The following SLC35F3 variants were observed in gnomAD, a reference collection of about 807,000 sequenced individuals.
SLC35F3 encodes solute carrier family 35 member F3.
Under a neutral mutation model 49.9 loss-of-function variants are expected in SLC35F3, and 25 were observed. The observed-to-expected ratio is 0.50, with a 90% CI of 0.37 to 0.70. The LOEUF is 0.70. Among genes scored for constraint, SLC35F3 ranks in the 30% least tolerant of loss-of-function variants. SLC35F3 has a pLI of 0.00. For synonymous variants in SLC35F3, 275 were observed against 265.4 expected, an observed-to-expected ratio of 1.04 and a Z score of -0.35; for missense variants, 525 against 639.8, an observed-to-expected ratio of 0.82 and a Z score of 1.94.
intron 2 of SLC35F3, among the ~76,000 whole-genome samples, chr1:233,993,086 G>T (rs1266176364): frequency 5.3e-5 from 8 of 151,298 alleles, no homozygotes; most frequent in Admixed American, 2.6e-4. Flanking sequence ...TTCCATGGAA[G>T]AAAAAAAAAT....
rs754044551 is a variant in SLC35F3 at position 234,231,780 on chromosome 1, G to C, written c.608+39G>C. 6.4e-7 allele frequency: 1 copy of C among 1,559,462 alleles called. No individual in the cohort carries two copies. On this transcript the variant is annotated intron_variant, in intron 3 of 7. Transcript: ENST00000366618. The surrounding 1 kb of genome is among the most constrained non-coding windows in gnomAD (Gnocchi z 5.4). ...GCATGAGGAGGCCTCCTGACCCCGGGCTGCTCCATCCAGCGCTGACTCTGC... is the reference window on the plus strand; with the variant it reads ...GCATGAGGAGGCCTCCTGACCCCGGCCTGCTCCATCCAGCGCTGACTCTGC...
chr1:234,190,348 A>G (rs1411370324), intron 2 of SLC35F3, among the ~76,000 whole-genome samples: 1 of 152,260 alleles, frequency 6.6e-6, no homozygotes, highest in African/African-American at 2.4e-5. Flanking sequence ...AAGGACTCAC[A>G]TAAACTTAAG....
chr1:234,103,274 T>C (rs953696704), intron 2 of SLC35F3, among the ~76,000 whole-genome samples: 8 of 152,112 alleles, frequency 5.3e-5, no homozygotes, highest in Middle Eastern at 3.4e-3. Context: ...GCTTCCCTGA[T>C]GTTGCCTTGG....
At chr1:234,141,478 A>T (rs770316175) in intron 2 of SLC35F3, among the ~76,000 whole-genome samples, 5 of 152,216 alleles carry the variant, frequency 3.3e-5, no homozygotes, top group Non-Finnish European at 5.9e-5. Context: ...ATACACCTGT[A>T]TGTAGACATC....
At chr1:234,221,427 C>G (rs747980497) in intron 2 of SLC35F3, among the ~76,000 whole-genome samples, 2 of 152,090 alleles carry the variant, frequency 1.3e-5, no homozygotes, top group Non-Finnish European at 2.9e-5. Context: ...AGGGAATGAT[C>G]GGCTTTGAAA....
intron 2 of SLC35F3, among the ~76,000 whole-genome samples, chr1:234,053,299 T>C (rs1664405628): frequency 6.6e-6 from 1 of 152,098 alleles, no homozygotes; most frequent in African/African-American, 2.4e-5. Context: ...CTCTAAGGAC[T>C]TGCTTTATGA....
At chr1:234,166,422 AC>A (rs1666322112) in intron 2 of SLC35F3, among the ~76,000 whole-genome samples, 1 of 152,346 alleles carries the variant, frequency 6.6e-6, no homozygotes, top group Admixed American at 6.5e-5. Context: ...ACCTTATAGT[AC>A]CATACAAAAG....
intron 3 of SLC35F3, among the ~76,000 whole-genome samples, chr1:234,288,500 T>C (rs1233544948): frequency 2.0e-5 from 3 of 152,232 alleles, no homozygotes; most frequent in Non-Finnish European, 4.4e-5. Context: ...AAGGATGTTT[T>C]TAGTCTATGT....
chr1:234,039,990 C>CT (rs35119086), intron 2 of SLC35F3, among the ~76,000 whole-genome samples: 3 of 152,214 alleles, frequency 2.0e-5, no homozygotes, highest in Non-Finnish European at 4.4e-5. Context: ...GTTTGACAGC[C>CT]TTTTTTGGGT....
At chr1:233,928,642 A>C (rs1214142785) in intron 2 of SLC35F3, among the ~76,000 whole-genome samples, 1 of 152,140 alleles carries the variant, frequency 6.6e-6, no homozygotes, top group Non-Finnish European at 1.5e-5. Flanking sequence ...TGGTGTTTGG[A>C]AGGTGGCTAG....
chr1:233,920,102 A>G (rs970266316), intron 2 of SLC35F3, among the ~76,000 whole-genome samples: 3 of 152,216 alleles, frequency 2.0e-5, no homozygotes, highest in African/African-American at 7.2e-5. Flanking sequence ...GTTCAATCAG[A>G]GATAATACTG....
chr1:234,219,149 G>A (rs1311503535), intron 2 of SLC35F3, among the ~76,000 whole-genome samples: 1 of 151,492 alleles, frequency 6.6e-6, no homozygotes, highest in African/African-American at 2.4e-5. Flanking sequence ...CCCCATGGCT[G>A]TGTGCCATAT....
chr1:234,231,530 A>G lies in SLC35F3; in HGVS notation c.397A>G (p.Lys133Glu), dbSNP rs771538452. ...CTGGACGTGCTCCCGGGCGCAACTC[A>G]AGAAGATCTTCTGGGGCGTGGCGGT... Reference protein sequence around the residue: ...RCWTCSRAQLKKIFWGVAVVL... With the variant: ...RCWTCSRAQLEKIFWGVAVVL... Residue 133 changes from lysine to glutamate, a missense_variant, in exon 3 of 8, where the codon AAG (lysine) becomes GAG (glutamate). Physicochemically the swap from Lys to Glu is moderately conservative, Grantham distance 56. Coordinates refer to ENST00000366618, the MANE Select transcript of SLC35F3 (RefSeq NM_173508.4). This position sits in a 1 kb window ranked among gnomAD's most constrained non-coding sequence, Gnocchi z 5.4. 1.2e-6 allele frequency: 2 copies of G among 1,613,918 alleles called. No individual in the cohort carries two copies. The highest frequency in any genetic ancestry group is 4.5e-5 in the East Asian group (2 of 44,860).
At chr1:234,098,264 G>T (rs1316380514) in intron 2 of SLC35F3, among the ~76,000 whole-genome samples, 3 of 149,254 alleles carry the variant, frequency 2.0e-5, no homozygotes, top group African/African-American at 7.4e-5. Flanking sequence ...TTGTGTGTTG[G>T]TGGTGGTGGT....
intron 2 of SLC35F3, among the ~76,000 whole-genome samples, chr1:234,079,970 T>C (rs1210064509): frequency 6.6e-6 from 1 of 152,176 alleles, no homozygotes; most frequent in Non-Finnish European, 1.5e-5. Flanking sequence ...ACAGCATCTT[T>C]TGTTATTCTT....
intron 2 of SLC35F3, among the ~76,000 whole-genome samples, chr1:234,036,285 C>G (rs1433251442): frequency 6.6e-6 from 1 of 152,068 alleles, no homozygotes; most frequent in Non-Finnish European, 1.5e-5. Context: ...AGACTTGCCT[C>G]GAATTCTTGG....
chr1:233,961,902 C>T (rs554506001), intron 2 of SLC35F3, among the ~76,000 whole-genome samples: 13 of 152,232 alleles, frequency 8.5e-5, no homozygotes, highest in Non-Finnish European at 1.2e-4. Context: ...CAGTGGGCAA[C>T]GTGGCAATGA....
chr1:234,267,487 G>C (rs1486445332), intron 3 of SLC35F3, among the ~76,000 whole-genome samples: 1 of 149,734 alleles, frequency 6.7e-6, no homozygotes, highest in African/African-American at 2.5e-5. Context: ...TCCCGGATGG[G>C]GCGGCTGGCC....
At chr1:234,165,909 A>G (rs146722755) in intron 2 of SLC35F3, among the ~76,000 whole-genome samples, 1 of 151,962 alleles carries the variant, frequency 6.6e-6, no homozygotes, top group African/African-American at 2.4e-5. Flanking sequence ...GCCTTTGCGC[A>G]CTCATAGCTT....
Sources: allele counts gnomAD v4.1 joint callset (sites outside exome capture counted in the v4.1 genomes callset), GRCh38; gene constraint gnomAD v4.1.1; non-coding constraint Gnocchi (gnomAD v3.1); transcripts MANE v1.5; gene names NCBI Gene and HGNC (gene_info 2026-07-23, HGNC 2026-07-21).